The following QRICH1 variants were observed in gnomAD, a reference collection of about 807,000 sequenced individuals.
QRICH1 encodes transcriptional regulator QRICH1.
A neutral mutation model predicts 87.1 loss-of-function variants in QRICH1; 16 were observed. The observed-to-expected ratio is 0.18, with a 90% CI of 0.12 to 0.28. The LOEUF (loss-of-function observed/expected upper bound fraction) is 0.28, where lower values mean the gene tolerates loss of function less well. Ranked by LOEUF, QRICH1 falls within the 10% of genes least tolerant of loss-of-function variation. The pLI, the probability that QRICH1 is intolerant of heterozygous loss-of-function variation, is 1.00. For missense variants in QRICH1, 647 were observed against 951.7 expected, an observed-to-expected ratio of 0.68 and a Z score of 4.21; for synonymous variants, 367 against 368.4, an observed-to-expected ratio of 1.00 and a Z score of 0.05.
At chr3:49,046,202 G>A (rs2093338479) in intron 5 of QRICH1, among the ~76,000 whole-genome samples, 1 of 151,202 alleles carries the variant, frequency 6.6e-6, no homozygotes, top group African/African-American at 2.4e-5. Context: ...ACAGGCGTGA[G>A]CCACCAGCGC....
intron 6 of QRICH1, among the ~76,000 whole-genome samples, chr3:49,038,761 TCACGCCTGTAA>T (rs1455866113): frequency 1.2e-4 from 18 of 152,330 alleles, no homozygotes; most frequent in Non-Finnish European, 2.5e-4. Context: ...GCTCCGTAGT[TCACGCCTGTAA>T]TCCTAGCACT....
chr3:49,037,019 C>T (rs376762867), intron 6 of QRICH1, among the ~76,000 whole-genome samples: 2 of 144,836 alleles, frequency 1.4e-5, no homozygotes, highest in South Asian at 2.2e-4. Context: ...TACAGTGAGC[C>T]GTGTTCCCAT....
At chr3:49,045,326 C>CAAAAAA (rs150401256) in intron 5 of QRICH1, among the ~76,000 whole-genome samples, 66 of 101,818 alleles carry the variant, frequency 6.5e-4, no homozygotes, top group Non-Finnish European at 8.6e-4. Flanking sequence ...TTGTGAATTA[C>CAAAAAA]AAAAAAAAAA....
intron 6 of QRICH1, among the ~76,000 whole-genome samples, chr3:49,038,022 A>G (rs2093286022): frequency 6.6e-6 from 1 of 152,212 alleles, no homozygotes; most frequent in East Asian, 1.9e-4. Flanking sequence ...GATAAATCAA[A>G]ATAATGAAAT....
chr3:49,091,255 C>G (rs1481655159), intron 1 of QRICH1, among the ~76,000 whole-genome samples: 2 of 152,026 alleles, frequency 1.3e-5, no homozygotes, highest in Non-Finnish European at 2.9e-5. Flanking sequence ...AAGAAAAGAA[C>G]AGGTATTCAT....
chr3:49,038,122 C>A (rs1000968550), intron 6 of QRICH1, among the ~76,000 whole-genome samples: 1 of 151,120 alleles, frequency 6.6e-6, no homozygotes, highest in Non-Finnish European at 1.5e-5. Context: ...AGGGCAGTGG[C>A]GCGATCTCGG....
At chr3:49,030,721 G>T in intron 9 of QRICH1, 77 bp from the exon 10 acceptor site, 1 of 1,278,048 alleles carries the variant, frequency 7.8e-7, no homozygotes, top group Non-Finnish European at 1.1e-6. Flanking sequence ...CCAGACAGAT[G>T]CTGTCTGCAA....
chr3:49,077,454 T>C (rs773149225), intron 1 of QRICH1, among the ~76,000 whole-genome samples: 23 of 152,168 alleles, frequency 1.5e-4, no homozygotes, highest in Non-Finnish European at 3.1e-4. Context: ...ATGGATATGT[T>C]TTATTTCCAA....
At chr3:49,078,075 C>A (rs9838638) in intron 1 of QRICH1, among the ~76,000 whole-genome samples, 1 of 152,082 alleles carries the variant, frequency 6.6e-6, no homozygotes, top group African/African-American at 2.4e-5. Flanking sequence ...AAAGTAGCAG[C>A]AGGATGAAAG....
intron 1 of QRICH1, among the ~76,000 whole-genome samples, chr3:49,086,439 A>C (rs1392483206): frequency 6.6e-6 from 1 of 151,766 alleles, no homozygotes; most frequent in Non-Finnish European, 1.5e-5. Flanking sequence ...TTGTATTTTT[A>C]GTAGAGACGG....
intron 3 of QRICH1, among the ~76,000 whole-genome samples, chr3:49,051,597 T>A (rs187155100): frequency 0.21 from 1,242 of 6,056 alleles, 24 homozygotes; most frequent in Non-Finnish European, 0.27. Flanking sequence ...CCCCCCCCCC[T>A]CCGCTTAATA....
intron 2 of QRICH1, among the ~76,000 whole-genome samples, chr3:49,061,178 A>C (rs929573842): frequency 4.7e-5 from 7 of 148,962 alleles, no homozygotes; most frequent in Non-Finnish European, 1.0e-4. Flanking sequence ...TCTAACACCT[A>C]ATGATGTGAG....
At chr3:49,038,233 T>C (rs1293703994) in intron 6 of QRICH1, among the ~76,000 whole-genome samples, 3 of 147,056 alleles carry the variant, frequency 2.0e-5, no homozygotes, top group Non-Finnish European at 4.5e-5. Context: ...GCTAATTTTT[T>C]TGTATTTTTA....
intron 6 of QRICH1, among the ~76,000 whole-genome samples, chr3:49,042,052 C>G (rs989786232): frequency 1.5e-5 from 2 of 133,964 alleles, no homozygotes; most frequent in African/African-American, 5.5e-5. Context: ...GGATTACAGG[C>G]GTGAGCCACC....
intron 8 of QRICH1, 123 bp downstream of exon 8, chr3:49,032,499 G>A (rs925751001): frequency 7.8e-7 from 1 of 1,285,920 alleles, no homozygotes; most frequent in Non-Finnish European, 1.1e-6. Context: ...GGGGAGAAGG[G>A]AGTGGAGAAT....
At position 49,033,113 on chromosome 3, in the gene QRICH1, C is replaced by G; in HGVS notation, c.1895+7G>C. On this transcript the variant is annotated splice_region_variant and intron_variant, in intron 7 of 9. Coordinates refer to ENST00000395443, the MANE Select transcript of QRICH1 (RefSeq NM_198880.3). ...GATGCCAGCAGTGGAGCCTCTAGAA[C>G]ACTTACTTGGTATTAAAGAACATGA... 6.6e-7 allele frequency: 1 copy of G among 1,519,434 alleles called. No homozygotes were observed. Among genetic ancestry groups the G allele is most frequent in the Non-Finnish European group, 8.8e-7 (1 of 1,130,180 alleles). The allele number at this position is 1,519,434 out of a possible 1,614,324, so 94.1% of individuals were successfully genotyped here.
intron 2 of QRICH1, among the ~76,000 whole-genome samples, chr3:49,067,462 G>A (rs1378383828): frequency 6.6e-6 from 1 of 151,896 alleles, no homozygotes; most frequent in African/African-American, 2.4e-5. Flanking sequence ...CAGCTCCTTG[G>A]GAGGCTGAGG....
chr3:49,058,828 A>G (rs2093417882), intron 2 of QRICH1, among the ~76,000 whole-genome samples: 1 of 152,034 alleles, frequency 6.6e-6, no homozygotes, highest in Non-Finnish European at 1.5e-5. Context: ...GGATTTCTCC[A>G]TGTTGGTCAG....
intron 2 of QRICH1, among the ~76,000 whole-genome samples, chr3:49,071,193 T>C (rs141767461): frequency 0.016 from 2,359 of 151,988 alleles, 23 homozygotes; most frequent in Non-Finnish European, 0.023. Context: ...GCCTCCCGAG[T>C]AGCTGGGACT....
Sources: allele counts gnomAD v4.1 joint callset (sites outside exome capture counted in the v4.1 genomes callset), GRCh38; gene constraint gnomAD v4.1.1; transcripts MANE v1.5; gene names NCBI Gene and HGNC (gene_info 2026-07-23, HGNC 2026-07-21).